The following PAH variants were observed in gnomAD, a reference collection of about 807,000 sequenced individuals.
PAH encodes the protein phenylalanine-4-hydroxylase.
In PAH, 64 loss-of-function variants were observed where a neutral mutation model predicts 62.0. The ratio of observed to expected loss-of-function variants is 1.03; its 90% CI spans 0.84 to 1.27. The LOEUF (loss-of-function observed/expected upper bound fraction) is 1.27, where lower values mean the gene tolerates loss of function less well. Ranked by LOEUF, PAH falls within the 50% of genes most tolerant of loss-of-function variation. The pLI is 0.00. For missense variants in PAH, 579 were observed against 542.8 expected, an observed-to-expected ratio of 1.07 and a Z score of -0.66; for synonymous variants, 195 against 196.2, an observed-to-expected ratio of 0.99 and a Z score of 0.05.
upstream of PAH, among the ~76,000 whole-genome samples, chr12:102,918,997 A>G (rs986648711): frequency 1.2e-4 from 18 of 152,144 alleles, no homozygotes; most frequent in African/African-American, 4.3e-4. Context: ...TTATCTACTT[A>G]TTTGCATGCA....
At chr12:102,842,478 T>C (rs1273586627) in intron 11 of PAH, among the ~76,000 whole-genome samples, 1 of 152,192 alleles carries the variant, frequency 6.6e-6, no homozygotes, top group Non-Finnish European at 1.5e-5. Flanking sequence ...GTTAGTCCTC[T>C]TTGAAGTCTC....
chr12:102,861,966 TAAA>T (rs71097947), intron 5 of PAH, among the ~76,000 whole-genome samples: 74 of 128,474 alleles, frequency 5.8e-4, no homozygotes, highest in African/African-American at 1.9e-3. Context: ...ACTTAAAGTA[TAAA>T]AAAAAAAAAA....
intron 2 of PAH, among the ~76,000 whole-genome samples, chr12:102,904,116 T>A (rs1318175175): frequency 6.6e-6 from 1 of 152,206 alleles, no homozygotes; most frequent in Non-Finnish European, 1.5e-5. Flanking sequence ...CTCCTAATCA[T>A]TTGGCCCCAA....
intron 4 of PAH, among the ~76,000 whole-genome samples, chr12:102,867,566 C>T (rs1417367660): frequency 6.6e-6 from 1 of 152,132 alleles, no homozygotes; most frequent in East Asian, 1.9e-4. Context: ...TTCCGTAGAA[C>T]TCTGCTGTGG....
chr12:102,854,769 AAC>A, intron 6 of PAH: 3 of 330,594 alleles, frequency 9.1e-6, no homozygotes, highest in East Asian at 1.5e-4. Flanking sequence ...TTCTTACACA[AAC>A]ACACACTCCT....
intron 6 of PAH, among the ~76,000 whole-genome samples, chr12:102,853,871 T>C (rs1348132375): frequency 1.3e-5 from 2 of 152,312 alleles, no homozygotes; most frequent in East Asian, 3.9e-4. Flanking sequence ...TAGACACTTT[T>C]ATTATGCCCA....
At chr12:102,918,578 T>G (rs569524499), upstream of PAH, among the ~76,000 whole-genome samples, 265 of 152,040 alleles carry the variant, frequency 1.7e-3, 6 homozygotes, top group South Asian at 0.041. Flanking sequence ...TTGTTTTTTT[T>G]TTTTGTTTTG....
At chr12:102,895,820 A>G (rs1592979566) in intron 2 of PAH, among the ~76,000 whole-genome samples, 2 of 147,054 alleles carry the variant, frequency 1.4e-5, no homozygotes, top group East Asian at 2.0e-4. Flanking sequence ...GCGCCACTGC[A>G]CTCCAGCCTG....
chr12:102,866,158 G>A lies in PAH; in HGVS notation c.509+438C>T, dbSNP rs1173476425. Among the ~76,000 whole-genome samples, 5 of 151,392 alleles carry A rather than the reference G, an allele frequency of 3.3e-5. No individual in the cohort carries two copies. The South Asian group carries it at 1.0e-3, about 32-fold the overall frequency. On this transcript the variant is annotated intron_variant, in intron 5 of 12. Coordinates refer to ENST00000553106, the MANE Select transcript of PAH (RefSeq NM_000277.3). ...GATAAAAGTAGAAAGCTGAAGTTTG[G>A]CTGGCCTGAAATCTTGAATGATTCA... is the stretch of plus-strand genomic sequence containing the variant.
At chr12:102,955,771 G>A (rs758574518), upstream of PAH, among the ~76,000 whole-genome samples, 19 of 152,264 alleles carry the variant, frequency 1.2e-4, no homozygotes, top group Non-Finnish European at 2.2e-4. Flanking sequence ...CTTGGTCAGG[G>A]ATGTGGAGAA....
At chr12:102,869,579 A>AAC (rs987257319) in intron 4 of PAH, among the ~76,000 whole-genome samples, 1 of 152,182 alleles carries the variant, frequency 6.6e-6, no homozygotes, top group Non-Finnish European at 1.5e-5. Context: ...GGTATACAGG[A>AAC]ACACACACAC....
At chr12:102,864,470 G>T (rs532460114) in intron 5 of PAH, among the ~76,000 whole-genome samples, 64 of 152,270 alleles carry the variant, frequency 4.2e-4, no homozygotes, top group Non-Finnish European at 5.9e-4. Context: ...CCTGGGAAAA[G>T]CAGGAGAATC....
intron 4 of PAH, among the ~76,000 whole-genome samples, chr12:102,868,126 G>GTATATATA (rs1182277046): frequency 3.1e-4 from 2 of 6,430 alleles, no homozygotes; most frequent in East Asian, 4.7e-3. Context: ...ACATATATGT[G>GTATATATA]TATATATATA....
intron 3 of PAH, among the ~76,000 whole-genome samples, chr12:102,882,327 A>T (rs1405993851): frequency 6.6e-6 from 1 of 152,138 alleles, no homozygotes; most frequent in Non-Finnish European, 1.5e-5. Context: ...AAGAGTCTTA[A>T]AACAGCCAGA....
intron 2 of PAH, chr12:102,904,831 T>TC (rs2136716145): frequency 7.6e-6 from 3 of 395,990 alleles, no homozygotes; most frequent in African/African-American, 2.1e-5. Context: ...CACACCACAG[T>TC]CCCCCTGCTC....
chr12:102,954,769 A>C (rs1820498360), upstream of PAH, among the ~76,000 whole-genome samples: 1 of 152,224 alleles, frequency 6.6e-6, no homozygotes. Flanking sequence ...TGGTGAAAAC[A>C]ACCAGAAAGC....
chr12:102,873,954 G>T (rs897249970), intron 4 of PAH, among the ~76,000 whole-genome samples: 3 of 152,190 alleles, frequency 2.0e-5, no homozygotes, highest in African/African-American at 7.2e-5. Context: ...CATGCATATG[G>T]CCCTTTCACT....
chr12:102,897,030 A>G (rs910197242), intron 2 of PAH, among the ~76,000 whole-genome samples: 1 of 152,208 alleles, frequency 6.6e-6, no homozygotes, highest in Admixed American at 6.5e-5. Flanking sequence ...TTCTGCCACT[A>G]GAAATAACGG....
chr12:102,877,847 T>G (rs1351878351), intron 3 of PAH, among the ~76,000 whole-genome samples: 1 of 152,148 alleles, frequency 6.6e-6, no homozygotes, highest in Non-Finnish European at 1.5e-5. Flanking sequence ...GCAGCAGAAT[T>G]TTTTTCCCTT....
Sources: allele counts gnomAD v4.1 joint callset (sites outside exome capture counted in the v4.1 genomes callset), GRCh38; gene constraint gnomAD v4.1.1; transcripts MANE v1.5; gene names NCBI Gene and HGNC (gene_info 2026-07-23, HGNC 2026-07-21).